The following MROH1 variants were observed in gnomAD, a reference collection of about 807,000 sequenced individuals.
MROH1 encodes the protein maestro heat like repeat family member 1, also known as maestro heat-like repeat-containing protein family member 1.
MROH1 carries 117 observed loss-of-function variants against 116.5 expected under a neutral mutation model. The observed-to-expected ratio is 1.00, with a 90% CI of 0.86 to 1.17. MROH1 has a LOEUF of 1.17. MROH1 is among the 50% of genes most tolerant of loss of function. MROH1 has a pLI of 0.00. For missense variants in MROH1, 1,873 were observed against 1,338.5 expected (o/e 1.40, Z -6.23); for synonymous variants, 921 against 583.9 (o/e 1.58, Z -8.32).
chr8:144,148,244 C>G (rs1815879754), intron 1 of MROH1, among the ~76,000 whole-genome samples, 168 bp downstream of exon 1: 3 of 152,062 alleles, frequency 2.0e-5, no homozygotes, highest in Admixed American at 1.3e-4. Flanking sequence ...TCCTGGGTGT[C>G]GCGGGGACCT....
chr8:144,242,853 C>G (rs1162984632), intron 24 of MROH1, among the ~76,000 whole-genome samples: 1 of 152,202 alleles, frequency 6.6e-6, no homozygotes, highest in Non-Finnish European at 1.5e-5. Flanking sequence ...TCCGAGGGGC[C>G]GGGTCGTGGG....
rs961529336 is a variant in MROH1 at position 144,221,494 on chromosome 8, G to T, written c.1215+821G>T. 4.6e-5 allele frequency among the ~76,000 whole-genome samples: 7 copies of T among 151,974 alleles called. No individual in the cohort carries two copies. In the East Asian group the frequency reaches 1.4e-3, roughly 29 times the overall value. ...GGGTAGGACCTGCTTGCTACAGGGGGAACAGAGACCCTTAGCCTTCTCGGG... is the reference window on the plus strand; with the variant it reads ...GGGTAGGACCTGCTTGCTACAGGGGTAACAGAGACCCTTAGCCTTCTCGGG... On this transcript the variant is annotated intron_variant, in intron 13 of 43. Coordinates refer to ENST00000326134, the MANE Select transcript of MROH1 (RefSeq NM_032450.3).
rs1202932678 is a variant in MROH1, at chr8:144,260,739, C to T, written c.4443C>T (p.His1481=). 5.0e-5 allele frequency: 39 copies of T among 779,412 alleles called. No homozygotes were observed. The highest frequency in any genetic ancestry group is 1.5e-4 in the East Asian group (6 of 41,266). The allele number at this position is 779,412 out of a possible 1,614,324, so 48.3% of individuals were successfully genotyped here. The change falls in exon 40 of 44, where the codon CAC becomes CAT. Residue 1481 remains histidine (H), a synonymous_variant. Coordinates refer to ENST00000326134, the MANE Select transcript of MROH1 (RefSeq NM_032450.3). The part of the protein sequence containing the change: ...RLFGHLNKVC[H]GDCEDVFLDQ... The stretch of plus-strand genomic sequence containing the variant: ...TTGGGCACCTTAACAAGGTCTGCCA[C>T]GGAGACTGTGAGGACGTCTTCCTGG...
chr8:144,172,764 C>T (rs1337840846), intron 4 of MROH1, among the ~76,000 whole-genome samples: 4 of 152,116 alleles, frequency 2.6e-5, no homozygotes, highest in African/African-American at 9.7e-5. Flanking sequence ...CACCTACGCC[C>T]TATAAGCACT....
intron 35 of MROH1, among the ~76,000 whole-genome samples, chr8:144,257,769 C>T (rs940912567): frequency 6.6e-6 from 1 of 152,258 alleles, no homozygotes; most frequent in East Asian, 1.9e-4. Context: ...TCACCACCAC[C>T]AGCGGTCACC....
chr8:144,185,914 G>T (rs1279959996), intron 7 of MROH1, among the ~76,000 whole-genome samples: 1 of 148,560 alleles, frequency 6.7e-6, no homozygotes, highest in Admixed American at 6.7e-5. Context: ...GGGGGGCGGC[G>T]AGGGGCGACG....
intron 22 of MROH1, 65 bp downstream of exon 22, chr8:144,241,582 T>C: frequency 2.6e-6 from 2 of 773,826 alleles, no homozygotes; most frequent in East Asian, 2.4e-5. Flanking sequence ...GCTCAGGGGG[T>C]GCCCTGCGGG....
Position 144,247,592 on chromosome 8 carries a change from C to G in MROH1, c.3033C>G (p.Asp1011Glu). The G allele has an allele frequency of 1.3e-6, 1 of 773,518 alleles. No homozygotes were observed. Among genetic ancestry groups the G allele is most frequent in the Non-Finnish European group, 2.4e-6 (1 of 417,198 alleles). The allele number at this position is 773,518 out of a possible 1,614,324, so 47.9% of individuals were successfully genotyped here. A position where few individuals can be genotyped will look rare whatever the true frequency, so the allele number is the denominator to read the frequency against. Residue 1011 changes from aspartate (D) to glutamate (E), a missense_variant, in exon 31 of 44, where the codon GAC (aspartate) becomes GAG (glutamate). Coordinates refer to ENST00000326134, the MANE Select transcript of MROH1 (RefSeq NM_032450.3). ...GCTTCTCCCGGGACTACCGCGATGA[C>G]GTGGCGGAGCGGCTCCTCAGCCTCA... ...YEGFSRDYRD[D>E]VAERLLSLKD... is the part of the protein sequence containing the mutation.
intron 12 of MROH1, chr8:144,213,299 T>A (rs1217937578): frequency 1.9e-6 from 1 of 528,954 alleles, no homozygotes; most frequent in Non-Finnish European, 3.4e-6. Flanking sequence ...AACATGATCT[T>A]CGACCTCATG....
At chr8:144,172,624 A>C (rs540814955) in intron 4 of MROH1, among the ~76,000 whole-genome samples, 18 of 152,052 alleles carry the variant, frequency 1.2e-4, no homozygotes, top group Non-Finnish European at 1.9e-4. Flanking sequence ...TTGGTCAGGC[A>C]GGTCTCGAAC....
At chr8:144,177,022 A>C (rs1212119097) in intron 4 of MROH1, among the ~76,000 whole-genome samples, 1 of 152,112 alleles carries the variant, frequency 6.6e-6, no homozygotes, top group Non-Finnish European at 1.5e-5. Flanking sequence ...AACAGTGAAA[A>C]TCAACCCCAG....
At chr8:144,221,934 C>T (rs192424782) in intron 13 of MROH1, among the ~76,000 whole-genome samples, 149 of 152,246 alleles carry the variant, frequency 9.8e-4, no homozygotes, top group African/African-American at 3.5e-3. Flanking sequence ...TGGGCAGAAG[C>T]CATGGCTCAG....
At chr8:144,240,534 G>A (rs1840795742) in intron 19 of MROH1, 36 bp from the exon 20 acceptor site, 11 of 714,246 alleles carry the variant, frequency 1.5e-5, no homozygotes, top group Admixed American at 6.0e-5. Context: ...GTGAGGGGTC[G>A]GGCTCCCAGC....
chr8:144,212,962 A>G (rs375703350), intron 12 of MROH1: 14 of 760,760 alleles, frequency 1.8e-5, no homozygotes, highest in Non-Finnish European at 3.5e-5. Flanking sequence ...GGACTATCCC[A>G]TAATTACCAT....
At chr8:144,195,501 C>CAA (rs1163550725) in intron 10 of MROH1, among the ~76,000 whole-genome samples, 13 of 35,326 alleles carry the variant, frequency 3.7e-4, no homozygotes, top group African/African-American at 7.5e-4. Context: ...GACTCTGTCT[C>CAA]AAAAAAAAAA....
intron 33 of MROH1, among the ~76,000 whole-genome samples, chr8:144,252,942 G>A (rs1843080941): frequency 1.3e-5 from 2 of 150,160 alleles, no homozygotes; most frequent in African/African-American, 4.9e-5. Context: ...GGCAACGAGA[G>A]CGAAACTCCG....
chr8:144,200,446 G>C lies in MROH1; in HGVS notation c.1046G>C (p.Arg349Pro). 6.5e-7 allele frequency: 1 copy of C among 1,550,264 alleles called. No homozygotes were observed. Among genetic ancestry groups the C allele is most frequent in the South Asian group, 1.2e-5 (1 of 83,944 alleles). Residue 349 changes from arginine (R) to proline (P), a missense_variant, in exon 12 of 44, where the codon CGC becomes CCC. By Grantham distance (103) the Arg-to-Pro change is moderately radical. Transcript: ENST00000326134. ...CCTGTAGCCTGCAGCTCGCCTGACC[G>C]CCTACTGGCCTTCCTGCTGCCCAGG... is the stretch of plus-strand genomic sequence containing the variant. ...FTVLACSSPD[R>P]LLAFLLPRLD...
intron 13 of MROH1, 86 bp from the exon 14 acceptor site, chr8:144,223,022 G>A (rs2132435088): frequency 6.4e-7 from 1 of 1,569,290 alleles, no homozygotes. Flanking sequence ...GTGGGTGGGA[G>A]GAAGACTGAG....
intron 13 of MROH1, among the ~76,000 whole-genome samples, chr8:144,222,411 A>G (rs112873840): frequency 6.6e-6 from 1 of 152,276 alleles, no homozygotes; most frequent in African/African-American, 2.4e-5. Context: ...ACCTGAGCAC[A>G]TCCACAAGCT....
Sources: gnomAD v4.1 joint callset for allele counts (sites outside exome capture counted in the v4.1 genomes callset) on GRCh38, gnomAD v4.1.1 for gene constraint, MANE v1.5 for transcripts, NCBI Gene and HGNC (gene_info 2026-07-23, HGNC 2026-07-21) for gene names.